Variants in NXPH2 observed in about 807,000 individuals in gnomAD.
The protein encoded by NXPH2 is neurexophilin 2.
A neutral mutation model predicts 19.8 loss-of-function variants in NXPH2; 5 were observed. The observed-to-expected ratio is 0.25, with a 90% CI of 0.13 to 0.53. The LOEUF (loss-of-function observed/expected upper bound fraction) is 0.53. Among genes scored for constraint, NXPH2 ranks in the 20% least tolerant of loss-of-function variants. The pLI, the probability that NXPH2 is intolerant of heterozygous loss-of-function variation, is 0.96. For missense variants in NXPH2, 289 were observed against 322.8 expected, an observed-to-expected ratio of 0.90 and a Z score of 0.80; for synonymous variants, 154 against 127.4, an observed-to-expected ratio of 1.21 and a Z score of -1.41.
At chr2:138,777,585 T>C (rs953239381) in intron 1 of NXPH2, among the ~76,000 whole-genome samples, 1 of 151,908 alleles carries the variant, frequency 6.6e-6, no homozygotes, top group Admixed American at 6.6e-5. Flanking sequence ...TATATACGTG[T>C]ATATTATATA....
At chr2:138,675,588 A>T (rs1680474239) in intron 1 of NXPH2, among the ~76,000 whole-genome samples, 1 of 152,182 alleles carries the variant, frequency 6.6e-6, no homozygotes, top group African/African-American at 2.4e-5. Context: ...TCCTGATAGC[A>T]GTTTATGTTG....
intron 1 of NXPH2, among the ~76,000 whole-genome samples, chr2:138,684,144 T>C (rs1161631469): frequency 6.6e-6 from 1 of 152,192 alleles, no homozygotes; most frequent in Non-Finnish European, 1.5e-5. Flanking sequence ...ACATCTACTT[T>C]ATGAGGTATG....
At chr2:138,725,083 C>T (rs1349610525) in intron 1 of NXPH2, among the ~76,000 whole-genome samples, 1 of 152,160 alleles carries the variant, frequency 6.6e-6, no homozygotes, top group African/African-American at 2.4e-5. Flanking sequence ...TAAAACAAAT[C>T]TATATTTGCT....
chr2:138,765,682 T>G (rs529503689), intron 1 of NXPH2, among the ~76,000 whole-genome samples: 1 of 152,342 alleles, frequency 6.6e-6, no homozygotes, highest in East Asian at 1.9e-4. Flanking sequence ...AGCTGTAAGC[T>G]GTTTTTTATC....
In NXPH2 at chr2:138,780,218, G is replaced by T; in HGVS notation, c.24C>A (p.Leu8=). 6.8e-7 allele frequency: 1 copy of T among 1,470,172 alleles called. No individual in the cohort carries two copies. 91.1% of individuals were successfully genotyped at this position (1,470,172 alleles called of 1,614,324 possible). A position where few individuals can be genotyped will look rare whatever the true frequency, so the allele number is the denominator to read the frequency against. The part of the protein sequence containing the change: MRLRPLP[L]VVVPGLLQLL... ...GCTGCAGCAAGCCAGGGACCACCAC[G>T]AGGGGCAGCGGCCGCAGGCGCATGG... The change falls in exon 1 of 2, where the codon CTC becomes CTA. Residue 8 remains leucine, a synonymous_variant. Coordinates refer to ENST00000272641, the MANE Select transcript of NXPH2 (RefSeq NM_007226.3).
chr2:138,693,668 G>A (rs1224942540), intron 1 of NXPH2, among the ~76,000 whole-genome samples: 2 of 151,950 alleles, frequency 1.3e-5, no homozygotes, highest in African/African-American at 4.8e-5. Context: ...GGGATGTCCA[G>A]CATTAGCCAG....
chr2:138,679,111 G>C (rs1680531474), intron 1 of NXPH2, among the ~76,000 whole-genome samples: 1 of 152,166 alleles, frequency 6.6e-6, no homozygotes. Context: ...GTTGAATCCT[G>C]AACCGCAAAG....
intron 1 of NXPH2, among the ~76,000 whole-genome samples, chr2:138,762,248 C>T (rs1444700872): frequency 1.3e-5 from 2 of 152,094 alleles, no homozygotes; most frequent in Non-Finnish European, 2.9e-5. Context: ...GTTCTTTCTC[C>T]AGATTTTGCA....
rs1236383172 is a variant in NXPH2 at position 138,669,211 on chromosome 2, C to T, written c.*1711G>A. 6.6e-6 allele frequency among the ~76,000 whole-genome samples: 1 copy of T among 152,026 alleles called. No homozygotes were observed. Among genetic ancestry groups the T allele is most frequent in the Non-Finnish European group, 1.5e-5 (1 of 67,998 alleles). On this transcript the variant is annotated 3_prime_UTR_variant, in exon 2 of 2. Coordinates refer to ENST00000272641, the MANE Select transcript of NXPH2 (RefSeq NM_007226.3). ...TATTTACATAAAATGTGTACACATA[C>T]TTTCTCTGTACACAGAAAATTCTAA...
At chr2:138,727,910 T>G (rs2104997708) in intron 1 of NXPH2, among the ~76,000 whole-genome samples, 1 of 152,144 alleles carries the variant, frequency 6.6e-6, no homozygotes, top group East Asian at 1.9e-4. Flanking sequence ...AATGAAAATA[T>G]AAAGTAGTTG....
intron 1 of NXPH2, among the ~76,000 whole-genome samples, chr2:138,766,332 CT>C (rs1254337852): frequency 6.6e-6 from 1 of 152,186 alleles, no homozygotes; most frequent in Non-Finnish European, 1.5e-5. Flanking sequence ...CTTGGTTCAG[CT>C]TCTCGCATAG....
chr2:138,674,096 G>A (rs1440993652), intron 1 of NXPH2, among the ~76,000 whole-genome samples: 1 of 151,904 alleles, frequency 6.6e-6, no homozygotes, highest in Admixed American at 6.6e-5. Context: ...TCCCTCCTCA[G>A]CCTCCAGAAT....
At chr2:138,716,978 T>C (rs1299380517) in intron 1 of NXPH2, among the ~76,000 whole-genome samples, 1 of 152,192 alleles carries the variant, frequency 6.6e-6, no homozygotes, top group African/African-American at 2.4e-5. Context: ...TAACTGCACA[T>C]GTTTGAAATG....
At chr2:138,706,553 C>T (rs191351678) in intron 1 of NXPH2, among the ~76,000 whole-genome samples, 14 of 152,148 alleles carry the variant, frequency 9.2e-5, no homozygotes, top group South Asian at 4.2e-4. Flanking sequence ...ATTTTAATTA[C>T]GTAACTTAAT....
intron 1 of NXPH2, among the ~76,000 whole-genome samples, chr2:138,746,720 C>T (rs1177606783): frequency 6.6e-6 from 1 of 152,196 alleles, no homozygotes; most frequent in Non-Finnish European, 1.5e-5. Context: ...TTACTTAAAG[C>T]TCCAAGACCC....
At chr2:138,766,913 A>AT (rs1225806618) in intron 1 of NXPH2, among the ~76,000 whole-genome samples, 11 of 152,094 alleles carry the variant, frequency 7.2e-5, no homozygotes, top group Admixed American at 7.2e-4. Context: ...ATTTTTGTTG[A>AT]TTGTGTCATT....
At chr2:138,703,871 G>T (rs1320491499) in intron 1 of NXPH2, among the ~76,000 whole-genome samples, 2 of 152,192 alleles carry the variant, frequency 1.3e-5, no homozygotes, top group Non-Finnish European at 2.9e-5. Context: ...TAGCAAGGCA[G>T]GTTAGGCGGG....
intron 1 of NXPH2, among the ~76,000 whole-genome samples, chr2:138,773,569 T>C (rs1682211607): frequency 6.6e-6 from 1 of 152,178 alleles, no homozygotes; most frequent in African/African-American, 2.4e-5. Context: ...TTAACAGCCA[T>C]ACTACATAAG....
intron 1 of NXPH2, among the ~76,000 whole-genome samples, chr2:138,703,798 C>T (rs1573959989): frequency 6.6e-6 from 1 of 152,152 alleles, no homozygotes; most frequent in African/African-American, 2.4e-5. Flanking sequence ...TGATAAATAA[C>T]CTCCTAACTG....
Sources: allele counts gnomAD v4.1 joint callset (sites outside exome capture counted in the v4.1 genomes callset), GRCh38; gene constraint gnomAD v4.1.1; transcripts MANE v1.5; gene names NCBI Gene and HGNC (gene_info 2026-07-23, HGNC 2026-07-21).